Variants in C10orf90 observed in about 807,000 individuals in gnomAD.
The protein encoded by C10orf90 is (E2-independent) E3 ubiquitin-conjugating enzyme FATS.
Under a neutral mutation model 62.5 loss-of-function variants are expected in C10orf90, and 56 were observed. The observed-to-expected ratio is 0.90, with a 90% confidence interval of 0.72 to 1.12. The LOEUF is 1.12. Among genes scored for constraint, C10orf90 ranks in the 50% most tolerant of loss-of-function variants. The pLI, the probability that C10orf90 is intolerant of heterozygous loss-of-function variation, is 0.00. For missense variants in C10orf90, 970 were observed against 880.4 expected (o/e 1.10, Z -1.29); for synonymous variants, 386 against 340.4 (o/e 1.13, Z -1.47).
At chr10:126,622,673 C>T (rs1470722470) in intron 2 of C10orf90, among the ~76,000 whole-genome samples, 4 of 152,282 alleles carry the variant, frequency 2.6e-5, no homozygotes, top group African/African-American at 9.6e-5. Context: ...CTCTCTCACC[C>T]ACTCTGCCCA....
intron 4 of C10orf90, among the ~76,000 whole-genome samples, chr10:126,482,967 G>A (rs775058627): frequency 3.3e-5 from 5 of 152,180 alleles, no homozygotes; most frequent in Non-Finnish European, 5.9e-5. Flanking sequence ...GGGACATTAG[G>A]TACTCTTGCT....
intron 2 of C10orf90, among the ~76,000 whole-genome samples, chr10:126,554,743 T>C (rs1864720625): frequency 6.6e-6 from 1 of 152,250 alleles, no homozygotes; most frequent in Admixed American, 6.5e-5. Context: ...TCTGATTTTT[T>C]CTTCTGTCTC....
chr10:126,658,638 G>T (rs531450368), intron 1 of C10orf90, among the ~76,000 whole-genome samples: 19 of 152,266 alleles, frequency 1.2e-4, no homozygotes, highest in Admixed American at 1.1e-3. Flanking sequence ...TTTTTACTTA[G>T]ACCACCATTA....
At chr10:126,471,838 A>C (rs1239920097) in intron 4 of C10orf90, among the ~76,000 whole-genome samples, 5 of 152,206 alleles carry the variant, frequency 3.3e-5, no homozygotes, top group Non-Finnish European at 5.9e-5. Flanking sequence ...AGTTATGATT[A>C]TTCCAATAAT....
At chr10:126,513,235 A>G (rs1591049097) in intron 3 of C10orf90, among the ~76,000 whole-genome samples, 2 of 152,222 alleles carry the variant, frequency 1.3e-5, no homozygotes, top group African/African-American at 4.8e-5. Context: ...CAGGCAGGTT[A>G]TACGAGCTGT....
intron 3 of C10orf90, among the ~76,000 whole-genome samples, chr10:126,507,805 C>A (rs1233563603): frequency 1.3e-5 from 2 of 152,142 alleles, no homozygotes; most frequent in Non-Finnish European, 2.9e-5. Flanking sequence ...CAGTGAGATT[C>A]CAGCCTGTAG....
chr10:126,500,767 T>C (rs2133871759), intron 4 of C10orf90, among the ~76,000 whole-genome samples: 1 of 152,348 alleles, frequency 6.6e-6, no homozygotes. Flanking sequence ...AACAGCTATT[T>C]GAATTGCATG....
chr10:126,504,887 C>A lies in C10orf90; in HGVS notation c.604G>T (p.Gly202Cys), dbSNP rs142778183. The change falls in exon 4 of 10, where the codon GGC (glycine) becomes TGC (cysteine). Residue 202 changes from glycine to cysteine, a missense_variant. Coordinates refer to ENST00000488181, the MANE Select transcript of C10orf90 (RefSeq NM_001350921.2). This position sits in a 1 kb window ranked among gnomAD's most constrained non-coding sequence, Gnocchi z 4.1. ...GACGGTGCCGGGATTCCTAATCTGC[C>A]CGGAAGTAACGCAAATGCTCTGTGA... ...NIHRAFALLP[G>C]RLGIPAPSDE... The A allele has an allele frequency of 8.7e-6, 14 of 1,614,086 alleles. No individual in the cohort carries two copies. In the African/African-American group the frequency reaches 1.9e-4, roughly 22 times the overall value.
intron 2 of C10orf90, among the ~76,000 whole-genome samples, chr10:126,595,886 A>G (rs1461442851): frequency 6.6e-6 from 1 of 152,100 alleles, no homozygotes; most frequent in South Asian, 2.1e-4. Context: ...TGAGTCCTCA[A>G]GTTCAGGAGA....
At chr10:126,536,147 C>G (rs1864229920) in intron 2 of C10orf90, among the ~76,000 whole-genome samples, 1 of 152,198 alleles carries the variant, frequency 6.6e-6, no homozygotes, top group Non-Finnish European at 1.5e-5. Context: ...TCGACAGGGA[C>G]AATCAGCTCT....
intron 4 of C10orf90, among the ~76,000 whole-genome samples, chr10:126,490,128 T>C (rs1182913448): frequency 8.2e-6 from 1 of 122,564 alleles, no homozygotes; most frequent in East Asian, 2.2e-4. Flanking sequence ...TATTTAATTA[T>C]ATGTATATTA....
chr10:126,457,152 C>T (rs1859638560), intron 7 of C10orf90, among the ~76,000 whole-genome samples: 1 of 152,090 alleles, frequency 6.6e-6, no homozygotes, highest in Admixed American at 6.5e-5. Flanking sequence ...TCACACCTGG[C>T]CAATTTTTGT....
intron 2 of C10orf90, among the ~76,000 whole-genome samples, chr10:126,567,269 G>A (rs1591106401): frequency 6.6e-6 from 1 of 152,286 alleles, no homozygotes; most frequent in African/African-American, 2.4e-5. Context: ...AGTGAAAGGC[G>A]AAGGGCAAGC....
Position 126,530,203 on chromosome 10 carries a change from C to A in C10orf90, c.314-16264G>T, listed in dbSNP as rs138403187. ...TATCAGTGAAAATGAATAAACTATA[C>A]GTATGCACATTAACATGGATGAGAA... is the stretch of plus-strand genomic sequence containing the variant. On this transcript the variant is annotated intron_variant, in intron 2 of 9. Coordinates refer to ENST00000488181, the MANE Select transcript of C10orf90 (RefSeq NM_001350921.2). 1.1e-4 allele frequency among the ~76,000 whole-genome samples: 16 copies of A among 151,834 alleles called. No homozygotes were observed. The East Asian group carries it at 2.1e-3, about 20-fold the overall frequency.
At chr10:126,496,069 G>A (rs1316921711) in intron 4 of C10orf90, among the ~76,000 whole-genome samples, 2 of 152,198 alleles carry the variant, frequency 1.3e-5, no homozygotes, top group African/African-American at 2.4e-5. Context: ...TGTTACTCAT[G>A]TATAGACAGT....
At chr10:126,433,641 G>T (rs908854634) in intron 7 of C10orf90, among the ~76,000 whole-genome samples, 4 of 152,068 alleles carry the variant, frequency 2.6e-5, no homozygotes, top group Non-Finnish European at 5.9e-5. Context: ...TTGCCTTCAG[G>T]ATATGTACAG....
intron 1 of C10orf90, among the ~76,000 whole-genome samples, chr10:126,669,761 A>C (rs1846709289): frequency 6.6e-6 from 1 of 151,460 alleles, no homozygotes; most frequent in African/African-American, 2.4e-5. Context: ...GCTCTCAAAA[A>C]TAAAAGATCA....
intron 6 of C10orf90, 63 bp downstream of exon 6, chr10:126,461,338 C>CAGACTCCCTA: frequency 6.4e-7 from 1 of 1,566,312 alleles, no homozygotes; most frequent in Middle Eastern, 1.7e-4. Context: ...TGTGTGCTCA[C>CAGACTCCCTA]GGACTCCCTA....
chr10:126,556,972 G>T (rs553172456), intron 2 of C10orf90, among the ~76,000 whole-genome samples: 2 of 149,600 alleles, frequency 1.3e-5, no homozygotes, highest in South Asian at 4.3e-4. Context: ...CTATTAGGTT[G>T]GTGCAAAAGT....
Sources: gnomAD v4.1 joint callset for allele counts (sites outside exome capture counted in the v4.1 genomes callset) on GRCh38, gnomAD v4.1.1 for gene constraint, Gnocchi (gnomAD v3.1) non-coding constraint, MANE v1.5 for transcripts, NCBI Gene and HGNC (gene_info 2026-07-23, HGNC 2026-07-21) for gene names.